Variants in NEGR1 observed in about 807,000 individuals in gnomAD.
The protein encoded by NEGR1 is IgLON family member 4.
In NEGR1, 10 loss-of-function variants were observed where a neutral mutation model predicts 40.9. The observed-to-expected ratio is 0.24, with a 90% CI of 0.15 to 0.42. The LOEUF is 0.42. Among genes scored for constraint, NEGR1 ranks in the 10% least tolerant of loss-of-function variants. The pLI is 1.00. For missense variants in NEGR1, 352 were observed against 438.9 expected (o/e 0.80, Z 1.77); for synonymous variants, 185 against 166.8 (o/e 1.11, Z -0.84).
intron 3 of NEGR1, among the ~76,000 whole-genome samples, chr1:71,751,828 A>T (rs898030845): frequency 3.3e-5 from 5 of 152,184 alleles, no homozygotes; most frequent in Non-Finnish European, 7.3e-5. Flanking sequence ...GCAGTCAAGG[A>T]TATACTCTTT....
intron 6 of NEGR1, among the ~76,000 whole-genome samples, chr1:71,583,180 T>A (rs1282955357): frequency 3.3e-5 from 5 of 151,382 alleles, no homozygotes; most frequent in South Asian, 2.1e-4. Context: ...CTAATGTGAG[T>A]CAGTAACGTA....
chr1:71,764,861 GTTGTT>G (rs1297570615), intron 3 of NEGR1, among the ~76,000 whole-genome samples: 1 of 152,132 alleles, frequency 6.6e-6, no homozygotes, highest in African/African-American at 2.4e-5. Context: ...CAGAAAAATA[GTTGTT>G]TTGAAGTGTC....
intron 6 of NEGR1, chr1:71,439,827 A>G (rs1646534646): frequency 6.6e-6 from 1 of 151,934 alleles, no homozygotes; most frequent in South Asian, 2.1e-4. Context: ...CTTTTTCTGT[A>G]TATGCCTATA....
At chr1:71,779,119 A>G (rs1656612391) in intron 2 of NEGR1, among the ~76,000 whole-genome samples, 1 of 152,212 alleles carries the variant, frequency 6.6e-6, no homozygotes, top group Non-Finnish European at 1.5e-5. Flanking sequence ...CTCCCCAGAA[A>G]TGCATCACTT....
chr1:72,003,502 A>T (rs1646576056), intron 1 of NEGR1, among the ~76,000 whole-genome samples: 1 of 152,170 alleles, frequency 6.6e-6, no homozygotes, highest in Non-Finnish European at 1.5e-5. Context: ...GACATTAACA[A>T]AATAAAAAGC....
At chr1:72,105,582 A>G (rs1463692542) in intron 1 of NEGR1, among the ~76,000 whole-genome samples, 1 of 152,036 alleles carries the variant, frequency 6.6e-6, no homozygotes, top group Non-Finnish European at 1.5e-5. Flanking sequence ...AAAGATTTTG[A>G]AATGAAGAAA....
chr1:71,801,480 T>G (rs1657555922), intron 2 of NEGR1, among the ~76,000 whole-genome samples: 1 of 152,200 alleles, frequency 6.6e-6, no homozygotes, highest in Non-Finnish European at 1.5e-5. Flanking sequence ...TATCTCAACA[T>G]GTCTAATGAA....
chr1:71,879,918 G>A (rs1263614625), intron 2 of NEGR1, among the ~76,000 whole-genome samples: 2 of 152,068 alleles, frequency 1.3e-5, no homozygotes, highest in African/African-American at 2.4e-5. Context: ...GTATGAAGAA[G>A]TTATTTCCAA....
intron 3 of NEGR1, among the ~76,000 whole-genome samples, chr1:71,734,977 A>G (rs1353655867): frequency 6.6e-6 from 1 of 152,024 alleles, no homozygotes; most frequent in East Asian, 1.9e-4. Flanking sequence ...TGCATCTTTA[A>G]GTTCAATCAA....
At chr1:72,129,623 G>A (rs554444339) in intron 1 of NEGR1, among the ~76,000 whole-genome samples, 15 of 152,266 alleles carry the variant, frequency 9.9e-5, no homozygotes, top group Admixed American at 5.9e-4. Context: ...GTAATAAAAT[G>A]TTGCAAGGAA....
At chr1:72,026,456 T>G (rs1043055645) in intron 1 of NEGR1, among the ~76,000 whole-genome samples, 12 of 152,054 alleles carry the variant, frequency 7.9e-5, no homozygotes, top group African/African-American at 2.7e-4. Flanking sequence ...GTTGAATATA[T>G]TGAAATTAAA....
intron 1 of NEGR1, among the ~76,000 whole-genome samples, chr1:71,981,068 G>T (rs954951109): frequency 6.6e-6 from 1 of 152,104 alleles, no homozygotes. Context: ...TTATCTGTAA[G>T]ACATTGTAAA....
intron 2 of NEGR1, among the ~76,000 whole-genome samples, chr1:71,868,436 AAGATAGAT>A (rs59923029): frequency 0.26 from 38,679 of 149,432 alleles, 5,218 homozygotes; most frequent in East Asian, 0.51. Flanking sequence ...TAGATGATAG[AAGATAGAT>A]AGATAGATAG....
At chr1:72,279,736 G>A (rs1006205340) in intron 1 of NEGR1, among the ~76,000 whole-genome samples, 2 of 152,146 alleles carry the variant, frequency 1.3e-5, no homozygotes, top group Non-Finnish European at 2.9e-5. Flanking sequence ...TAGTCCTTAA[G>A]CTCTATCTGT....
chr1:71,871,902 T>C (rs903900420), intron 2 of NEGR1, among the ~76,000 whole-genome samples: 1 of 152,328 alleles, frequency 6.6e-6, no homozygotes, highest in African/African-American at 2.4e-5. Flanking sequence ...GAAATATCAA[T>C]TTATCCTTTC....
At chr1:71,920,139 C>G (rs2101882050) in intron 2 of NEGR1, among the ~76,000 whole-genome samples, 1 of 152,316 alleles carries the variant, frequency 6.6e-6, no homozygotes, top group East Asian at 1.9e-4. Context: ...ATCTCCAGCT[C>G]CGAGGAGCTG....
chr1:71,452,403 A>T (rs537378416), intron 6 of NEGR1, among the ~76,000 whole-genome samples: 1 of 152,316 alleles, frequency 6.6e-6, no homozygotes, highest in Admixed American at 6.5e-5. Context: ...TTACAACTAA[A>T]GTGTTGAAAT....
At chr1:71,821,479 C>T (rs974281897) in intron 2 of NEGR1, among the ~76,000 whole-genome samples, 5 of 151,938 alleles carry the variant, frequency 3.3e-5, no homozygotes, top group Non-Finnish European at 5.9e-5. Flanking sequence ...GTAATCTATT[C>T]ATTTAATACT....
chr1:71,766,745 T>C (rs1021057941), intron 3 of NEGR1, among the ~76,000 whole-genome samples: 2 of 152,170 alleles, frequency 1.3e-5, no homozygotes, highest in East Asian at 1.9e-4. Context: ...ATGTTGGAGG[T>C]GGACCTAGCG....
Sources: allele counts gnomAD v4.1 joint callset (sites outside exome capture counted in the v4.1 genomes callset), GRCh38; gene constraint gnomAD v4.1.1; transcripts MANE v1.5; gene names NCBI Gene and HGNC (gene_info 2026-07-23, HGNC 2026-07-21).